Variants in UGGT2 observed in about 807,000 individuals in gnomAD.
UGGT2 encodes the protein UDP-glucose glycoprotein glucosyltransferase 2.
Under a neutral mutation model 192.1 loss-of-function variants are expected in UGGT2, and 180 were observed. The ratio of observed to expected loss-of-function variants is 0.94; its 90% confidence interval spans 0.83 to 1.06. The LOEUF is 1.06. UGGT2 is among the 50% of genes least tolerant of loss of function. UGGT2 has a pLI of 0.00. For synonymous variants in UGGT2, 580 were observed against 591.0 expected (o/e 0.98, Z 0.27); for missense variants, 1,849 against 1,795.7 (o/e 1.03, Z -0.54).
At chr13:95,820,310 T>C (rs1885376024) in intron 38 of UGGT2, among the ~76,000 whole-genome samples, 1 of 152,104 alleles carries the variant, frequency 6.6e-6, no homozygotes, top group Non-Finnish European at 1.5e-5. Context: ...ACAGATTAAT[T>C]TCCACAGAAG....
intron 38 of UGGT2, among the ~76,000 whole-genome samples, chr13:95,828,873 T>G (rs541510202): frequency 1.3e-5 from 2 of 151,980 alleles, no homozygotes; most frequent in Non-Finnish European, 2.9e-5. Flanking sequence ...CAACAAAAGA[T>G]AATTTTAGAC....
chr13:95,899,450 A>G (rs2048040921), intron 22 of UGGT2, among the ~76,000 whole-genome samples: 1 of 152,142 alleles, frequency 6.6e-6, no homozygotes, highest in Non-Finnish European at 1.5e-5. Flanking sequence ...TAATATCTTA[A>G]TATTTTTATC....
At chr13:96,040,321 T>C (rs577205575) in intron 1 of UGGT2, among the ~76,000 whole-genome samples, 1 of 152,282 alleles carries the variant, frequency 6.6e-6, no homozygotes, top group Admixed American at 6.5e-5. Flanking sequence ...CCTGGTGGCT[T>C]CAGCTGTTCC....
chr13:95,994,780 A>G (rs1029447660), intron 7 of UGGT2, among the ~76,000 whole-genome samples: 4 of 152,054 alleles, frequency 2.6e-5, no homozygotes, highest in Non-Finnish European at 5.9e-5. Context: ...GTGCAAATGA[A>G]GAACAGGATC....
intron 21 of UGGT2, 115 bp downstream of exon 21, chr13:95,902,739 A>C (rs2048144095): frequency 9.9e-7 from 1 of 1,009,238 alleles, no homozygotes; most frequent in Non-Finnish European, 1.4e-6. Flanking sequence ...AGGAATGTTT[A>C]TTATCTTCAT....
rs1289197810 is a variant in UGGT2 at position 95,970,105 on chromosome 13, C to T, written c.1335+7G>A. The T allele has an allele frequency of 1.2e-6, 2 of 1,600,058 alleles. No individual in the cohort carries two copies. Among genetic ancestry groups the T allele is most frequent in the African/African-American group, 2.7e-5 (2 of 74,548 alleles). On this transcript the variant is annotated splice_region_variant and intron_variant, in intron 12 of 38. Transcript: ENST00000376747. ...GTTTTAGAACAAGGAATAGCATAAG[C>T]ACTTACCATTATAGAAGAATGTCGA...
At chr13:95,926,295 T>C (rs1446637591) in intron 19 of UGGT2, among the ~76,000 whole-genome samples, 1 of 152,086 alleles carries the variant, frequency 6.6e-6, no homozygotes, top group African/African-American at 2.4e-5. Flanking sequence ...CAAGAACTGG[T>C]TGTGTGGCCT....
At chr13:95,889,524 C>T (rs1259672465) in intron 25 of UGGT2, among the ~76,000 whole-genome samples, 1 of 152,078 alleles carries the variant, frequency 6.6e-6, no homozygotes. Context: ...ATTACTTTTG[C>T]CTGTTTCAAA....
chr13:95,831,584 G>T (rs1448302723), intron 38 of UGGT2, among the ~76,000 whole-genome samples: 1 of 151,960 alleles, frequency 6.6e-6, no homozygotes, highest in Non-Finnish European at 1.5e-5. Flanking sequence ...CACCAATATA[G>T]ACATCATTTT....
intron 10 of UGGT2, among the ~76,000 whole-genome samples, chr13:95,981,010 T>C (rs2051105826): frequency 6.6e-6 from 1 of 152,180 alleles, no homozygotes; most frequent in Non-Finnish European, 1.5e-5. Context: ...AGATTCTTCC[T>C]GTTTCCTTTT....
At position 95,801,816 on chromosome 13, in the gene UGGT2, TA is replaced by T; in HGVS notation, c.4529-5del. The T allele has an allele frequency of 2.5e-6, 4 of 1,613,798 alleles. No individual in the cohort carries two copies. Among genetic ancestry groups the T allele is most frequent in the Non-Finnish European group, 3.4e-6 (4 of 1,179,802 alleles). On this transcript the variant is annotated splice_region_variant and splice_polypyrimidine_tract_variant and intron_variant, in intron 38 of 38. Transcript: ENST00000376747. ...TAGAGTTCATCATGTGTCAAAACTATAAGGGAGAAAAGTTTATTTAGCTTCT... is the reference window on the plus strand; with the variant it reads ...TAGAGTTCATCATGTGTCAAAACTATAGGGAGAAAAGTTTATTTAGCTTCT...
chr13:96,053,393 T>G lies in UGGT2; in HGVS notation c.-81A>C, dbSNP rs570588427. ...CCACGCTTCGGCCGGCTCTTCCCGC[T>G]GCGCGGCTGCCCACTTCCGGTGGGA... On this transcript the variant is annotated 5_prime_UTR_variant, in exon 1 of 39. Coordinates refer to ENST00000376747, the MANE Select transcript of UGGT2 (RefSeq NM_020121.4). The G allele has an allele frequency of 4.6e-6, 7 of 1,508,330 alleles. No homozygotes were observed. The African/African-American group carries it at 5.7e-5, about 12-fold the overall frequency. 93.4% of individuals were successfully genotyped at this position (1,508,330 alleles called of 1,614,324 possible).
At chr13:95,886,341 A>C (rs186877294) in intron 26 of UGGT2, among the ~76,000 whole-genome samples, 55 of 152,308 alleles carry the variant, frequency 3.6e-4, no homozygotes, top group South Asian at 8.3e-4. Context: ...ATTCTGTTGA[A>C]CTACTAGTTA....
intron 17 of UGGT2, among the ~76,000 whole-genome samples, chr13:95,933,481 C>T (rs2049356483): frequency 1.3e-5 from 2 of 152,066 alleles, no homozygotes; most frequent in South Asian, 2.1e-4. Context: ...AGTGGTCTAT[C>T]GATCTTGTCC....
chr13:95,902,593 C>G (rs1001008622), intron 21 of UGGT2, among the ~76,000 whole-genome samples: 1 of 151,848 alleles, frequency 6.6e-6, no homozygotes, highest in Non-Finnish European at 1.5e-5. Flanking sequence ...CAATTCTTCA[C>G]TTAAGTACAT....
At chr13:95,970,052 T>C (rs2050721189) in intron 12 of UGGT2, 60 bp downstream of exon 12, 1 of 1,499,232 alleles carries the variant, frequency 6.7e-7, no homozygotes, top group African/African-American at 1.4e-5. Context: ...GATACTTCAT[T>C]TTATGTTAAG....
intron 4 of UGGT2, among the ~76,000 whole-genome samples, chr13:96,018,115 T>TA (rs1244878499): frequency 2.0e-5 from 3 of 152,064 alleles, no homozygotes; most frequent in Admixed American, 6.6e-5. Flanking sequence ...AACATGCTAG[T>TA]AAAAAAAGAA....
intron 38 of UGGT2, among the ~76,000 whole-genome samples, chr13:95,821,415 G>C (rs943947501): frequency 6.6e-6 from 1 of 151,964 alleles, no homozygotes; most frequent in African/African-American, 2.4e-5. Context: ...CATGTCCTTT[G>C]CCCACGTTTG....
chr13:96,027,681 T>C (rs1043611048), intron 2 of UGGT2, among the ~76,000 whole-genome samples: 2 of 152,104 alleles, frequency 1.3e-5, no homozygotes, highest in African/African-American at 4.8e-5. Flanking sequence ...TTGGGGGTGG[T>C]TGGAGACTGG....
Sources: gnomAD v4.1 joint callset for allele counts (sites outside exome capture counted in the v4.1 genomes callset) on GRCh38, gnomAD v4.1.1 for gene constraint, MANE v1.5 for transcripts, NCBI Gene and HGNC (gene_info 2026-07-23, HGNC 2026-07-21) for gene names.